Variants in ELOVL7 observed in about 807,000 individuals in gnomAD.
ELOVL7 encodes the protein very long chain fatty acid elongase 7.
ELOVL7 carries 27 observed loss-of-function variants against 35.7 expected under a neutral mutation model. The observed-to-expected ratio is 0.76, with a 90% CI of 0.56 to 1.04. The LOEUF (loss-of-function observed/expected upper bound fraction) is 1.04, where lower values mean the gene tolerates loss of function less well. Among genes scored for constraint, ELOVL7 ranks in the 50% least tolerant of loss-of-function variants. The pLI is 0.00. For missense variants in ELOVL7, 327 were observed against 340.8 expected, an observed-to-expected ratio of 0.96 and a Z score of 0.32; for synonymous variants, 113 against 114.6, an observed-to-expected ratio of 0.99 and a Z score of 0.09.
intron 3 of ELOVL7, chr5:60,784,060 G>GGA: frequency 1.0e-6 from 1 of 961,650 alleles, no homozygotes; most frequent in Non-Finnish European, 1.6e-6. Context: ...AGTGTCCCAG[G>GGA]GAGAGAGCAT....
chr5:60,832,637 T>C (rs146495247), intron 1 of ELOVL7, among the ~76,000 whole-genome samples: 108 of 152,328 alleles, frequency 7.1e-4, no homozygotes, highest in Middle Eastern at 3.4e-3. Flanking sequence ...GTGCTGGGAT[T>C]ACAGGCGTGC....
chr5:60,766,480 C>A, intron 6 of ELOVL7, 94 bp downstream of exon 6: 1 of 1,076,188 alleles, frequency 9.3e-7, no homozygotes, highest in Non-Finnish European at 1.4e-6. Flanking sequence ...ACAACTGAAA[C>A]TACAGCAGTT....
chr5:60,779,403 C>A (rs1403758518), intron 3 of ELOVL7, among the ~76,000 whole-genome samples: 2 of 152,210 alleles, frequency 1.3e-5, no homozygotes, highest in African/African-American at 4.8e-5. Context: ...AGTTTCAATA[C>A]ATCCTCTGAA....
rs548734060 is a variant in ELOVL7, at chr5:60,834,237, G to T, written c.-86+9923C>A. ...GCTAACTGCAAGCTCTGCCTCCCAG[G>T]TTCACACCATTCTCCTGCCTCAGCC... On this transcript the variant is annotated intron_variant, in intron 1 of 8. Coordinates refer to ENST00000508821, the MANE Select transcript of ELOVL7 (RefSeq NM_024930.3). Among the ~76,000 whole-genome samples, 5 of 152,132 alleles carry T rather than the reference G, an allele frequency of 3.3e-5. No individual in the cohort carries two copies. The East Asian group carries it at 9.7e-4, about 29-fold the overall frequency.
intron 8 of ELOVL7, among the ~76,000 whole-genome samples, chr5:60,757,009 A>G (rs1185402167): frequency 6.6e-6 from 1 of 152,098 alleles, no homozygotes; most frequent in Non-Finnish European, 1.5e-5. Context: ...GCAGTATTCA[A>G]ATTTAGGTAA....
At chr5:60,778,487 C>G (rs1743045746) in intron 3 of ELOVL7, among the ~76,000 whole-genome samples, 1 of 152,128 alleles carries the variant, frequency 6.6e-6, no homozygotes, top group South Asian at 2.1e-4. Flanking sequence ...CAGCAGAAGG[C>G]ACCTCTTCAT....
rs760262528 is a variant in ELOVL7, at chr5:60,754,675, C to G, written c.795G>C (p.Gln265His). 6.2e-7 allele frequency: 1 copy of G among 1,614,094 alleles called. No homozygotes were observed. Among genetic ancestry groups the G allele is most frequent in the Admixed American group, 1.7e-5 (1 of 60,014 alleles). The part of the protein sequence containing the change: ...HFWYRAYTKG[Q>H]RLPKTVKNGT... ...CATTTTTCACAGTTTTGGGCAACCT[C>G]TGACCTTTGGTGTAAGCACGGTACC... is the stretch of plus-strand genomic sequence containing the variant. The change falls in exon 9 of 9, where the codon CAG becomes CAC. Residue 265 changes from glutamine (Q) to histidine (H), a missense_variant. Transcript: ENST00000508821.
At chr5:60,784,028 A>T in intron 3 of ELOVL7, 1 of 757,858 alleles carries the variant, frequency 1.3e-6, no homozygotes, top group Admixed American at 2.0e-5. Flanking sequence ...ATTTATTACT[A>T]GCTTAATAAT....
chr5:60,786,721 C>T (rs182327114), intron 3 of ELOVL7, among the ~76,000 whole-genome samples: 74 of 152,004 alleles, frequency 4.9e-4, no homozygotes, highest in Middle Eastern at 3.4e-3. Context: ...CCAAGGCGGG[C>T]GGATCACGAG....
At chr5:60,799,476 T>C (rs767318018) in intron 1 of ELOVL7, among the ~76,000 whole-genome samples, 1 of 151,926 alleles carries the variant, frequency 6.6e-6, no homozygotes, top group Non-Finnish European at 1.5e-5. Context: ...ATAAATAAAA[T>C]TGGAAATGAA....
At chr5:60,831,229 A>G (rs148495459) in intron 1 of ELOVL7, among the ~76,000 whole-genome samples, 193 of 152,354 alleles carry the variant, frequency 1.3e-3, no homozygotes, top group African/African-American at 4.5e-3. Flanking sequence ...TAAAGTCTGT[A>G]CAGTTGGTTC....
intron 1 of ELOVL7, among the ~76,000 whole-genome samples, chr5:60,832,773 G>C (rs577745449): frequency 6.6e-6 from 1 of 152,240 alleles, no homozygotes; most frequent in African/African-American, 2.4e-5. Context: ...GAGATACTCA[G>C]GCAGTCACCT....
chr5:60,772,142 AC>A (rs1269796484), intron 3 of ELOVL7, 49 bp from the exon 4 acceptor site: 1 of 1,236,892 alleles, frequency 8.1e-7, no homozygotes, highest in Non-Finnish European at 1.1e-6. Context: ...CCAAGGGGTA[AC>A]TAACAGCAAC....
Position 60,759,637 on chromosome 5 carries a change from T to A in ELOVL7, c.500-1992A>T, listed in dbSNP as rs904425524. ...TTTTTTTTAATTTGTCTAAAGTTTT[T>A]TTTATTTATTATTATTATACTTTAA... is the stretch of plus-strand genomic sequence containing the variant. On this transcript the variant is annotated intron_variant, in intron 7 of 8. Coordinates refer to ENST00000508821, the MANE Select transcript of ELOVL7 (RefSeq NM_024930.3). Among the ~76,000 whole-genome samples the A allele has an allele frequency of 1.3e-4, 20 of 151,916 alleles. 1 individual carries two copies. The highest frequency in any genetic ancestry group is 4.8e-5 in the African/African-American group (2 of 41,370).
chr5:60,772,135 A>T, intron 3 of ELOVL7, 42 bp from the exon 4 acceptor site: 1 of 1,370,350 alleles, frequency 7.3e-7, no homozygotes, highest in Non-Finnish European at 9.9e-7. Context: ...TGCTTAGCCA[A>T]GGGGTAACTA....
chr5:60,795,997 G>A (rs1744240821), intron 2 of ELOVL7, among the ~76,000 whole-genome samples: 1 of 152,106 alleles, frequency 6.6e-6, no homozygotes, highest in Admixed American at 6.5e-5. Flanking sequence ...TCCATGCACG[G>A]TAACAGTATT....
intron 8 of ELOVL7, 78 bp from the exon 9 acceptor site, chr5:60,754,911 TCCCAAAGTGCAGGGAG>T: frequency 1.6e-6 from 2 of 1,243,244 alleles, no homozygotes; most frequent in Non-Finnish European, 2.3e-6. Flanking sequence ...GTTTATGCAC[TCCCAAAGTGCAGGGAG>T]TGCACTATTG....
intron 1 of ELOVL7, among the ~76,000 whole-genome samples, chr5:60,832,643 C>T (rs188630583): frequency 1.3e-5 from 2 of 152,156 alleles, no homozygotes; most frequent in South Asian, 2.1e-4. Context: ...GGATTACAGG[C>T]GTGCGCCATC....
At chr5:60,837,315 T>TGGGGGGGGGGGGGGGGGGGGGGGGGGGG (rs1227317155) in intron 1 of ELOVL7, among the ~76,000 whole-genome samples, 3 of 24,520 alleles carry the variant, frequency 1.2e-4, no homozygotes, top group African/African-American at 1.7e-4. Flanking sequence ...GGCGGGGGGG[T>TGGGGGGGGGGGGGGGGGGGGGGGGGGGG]GGGGGGGGAG....
Sources: gnomAD v4.1 joint callset for allele counts (sites outside exome capture counted in the v4.1 genomes callset) on GRCh38, gnomAD v4.1.1 for gene constraint, MANE v1.5 for transcripts, NCBI Gene and HGNC (gene_info 2026-07-23, HGNC 2026-07-21) for gene names.